The following MEF2A variants were observed in gnomAD, a reference collection of about 807,000 sequenced individuals.
MEF2A encodes myocyte enhancer factor 2A, also known as myocyte-specific enhancer factor 2A.
Under a neutral mutation model 55.8 loss-of-function variants are expected in MEF2A, and 28 were observed. The ratio of observed to expected loss-of-function variants is 0.50; its 90% CI spans 0.37 to 0.69. The LOEUF (loss-of-function observed/expected upper bound fraction) is 0.69, where lower values mean the gene tolerates loss of function less well. Ranked by LOEUF, MEF2A falls within the 30% of genes least tolerant of loss-of-function variation. The pLI is 0.00. For synonymous variants in MEF2A, 239 were observed against 227.1 expected (o/e 1.05, Z -0.47); for missense variants, 528 against 626.2 (o/e 0.84, Z 1.67).
intron 5 of MEF2A, 107 bp downstream of exon 5, chr15:99,671,561 C>T (rs2050871984): frequency 6.2e-7 from 1 of 1,612,642 alleles, no homozygotes; most frequent in African/African-American, 1.3e-5. Flanking sequence ...ACAGCCCAGA[C>T]CCTGATACTT....
intron 1 of MEF2A, among the ~76,000 whole-genome samples, chr15:99,583,528 G>C (rs1194410299): frequency 6.6e-6 from 1 of 152,022 alleles, no homozygotes; most frequent in African/African-American, 2.4e-5. Flanking sequence ...AGGTGTTTGG[G>C]TGGTTGAGGA....
At chr15:99,633,619 A>C (rs1025176205) in intron 3 of MEF2A, among the ~76,000 whole-genome samples, 3 of 152,200 alleles carry the variant, frequency 2.0e-5, no homozygotes, top group Non-Finnish European at 4.4e-5. Flanking sequence ...ATATGTAATG[A>C]GAATTTTTTA....
At chr15:99,670,461 T>C (rs2050644322) in intron 4 of MEF2A, among the ~76,000 whole-genome samples, 1 of 151,840 alleles carries the variant, frequency 6.6e-6, no homozygotes, top group Non-Finnish European at 1.5e-5. Context: ...ACAAAAAAAA[T>C]TAGCCGGGCG....
chr15:99,703,368 G>A lies in MEF2A; in HGVS notation c.865G>A (p.Glu289Lys), dbSNP rs1220030211. ...SKGMMPPLSEEEELELNTQRI... is the reference protein window; with the variant it reads ...SKGMMPPLSEKEELELNTQRI... ...TCTTATGTGCTGAGTACAGTCGGAGGAAGAGGAATTGGAGTTGGTGAGTGT... is the reference window on the plus strand; with the variant it reads ...TCTTATGTGCTGAGTACAGTCGGAGAAAGAGGAATTGGAGTTGGTGAGTGT... The change falls in exon 9 of 12, where the codon GAA (glutamate) becomes AAA (lysine). Residue 289 changes from glutamate (E) to lysine (K), a missense_variant. Physicochemically the swap from Glu to Lys is moderately conservative, Grantham distance 56. Transcript: ENST00000557942. 1 of 1,612,074 alleles carries A rather than the reference G, an allele frequency of 6.2e-7. No individual in the cohort carries two copies. Among genetic ancestry groups the A allele is most frequent in the Admixed American group, 1.7e-5 (1 of 59,758 alleles).
chr15:99,588,651 C>A (rs1030497517), intron 1 of MEF2A, among the ~76,000 whole-genome samples: 1 of 151,482 alleles, frequency 6.6e-6, no homozygotes, highest in Non-Finnish European at 1.5e-5. Context: ...TCTATGTTGC[C>A]CAGGCTGTTC....
intron 3 of MEF2A, among the ~76,000 whole-genome samples, chr15:99,637,308 G>A (rs960958603): frequency 6.6e-6 from 1 of 152,072 alleles, no homozygotes. Context: ...TGTAATCTAT[G>A]AACATGTTTG....
chr15:99,639,437 G>A (rs1358446065), intron 3 of MEF2A, among the ~76,000 whole-genome samples: 3 of 152,138 alleles, frequency 2.0e-5, no homozygotes, highest in African/African-American at 7.2e-5. Flanking sequence ...ATTCAATACA[G>A]CTAGTTTTAG....
intron 2 of MEF2A, among the ~76,000 whole-genome samples, chr15:99,604,311 C>T (rs1974316247): frequency 6.6e-6 from 1 of 152,134 alleles, no homozygotes; most frequent in Non-Finnish European, 1.5e-5. Context: ...TCTCTCTTGG[C>T]ACTGATACTG....
chr15:99,575,035 CTTT>C (rs1360577897), intron 1 of MEF2A, among the ~76,000 whole-genome samples: 3 of 92,530 alleles, frequency 3.2e-5, no homozygotes, highest in African/African-American at 1.3e-4. Flanking sequence ...TCCTCATCTC[CTTT>C]TTTTCTCTTT....
At chr15:99,576,663 C>T (rs539031959) in intron 1 of MEF2A, among the ~76,000 whole-genome samples, 9 of 144,934 alleles carry the variant, frequency 6.2e-5, no homozygotes, top group Middle Eastern at 3.6e-3. Flanking sequence ...TTTTTTGAGA[C>T]GGAATCTTAC....
rs1692124578 is a variant in MEF2A at position 99,712,872 on chromosome 15, C to G, written c.*101C>G. 1 of 1,176,348 alleles carries G rather than the reference C, an allele frequency of 8.5e-7. No homozygotes were observed. The allele number at this position is 1,176,348 out of a possible 1,614,324, so 72.9% of individuals were successfully genotyped here. A position where few individuals can be genotyped will look rare whatever the true frequency, so the allele number is the denominator to read the frequency against. On this transcript the variant is annotated 3_prime_UTR_variant, in exon 12 of 12. Coordinates refer to ENST00000557942, the MANE Select transcript of MEF2A (RefSeq NM_001319206.4). This position sits in a 1 kb window ranked among gnomAD's most constrained non-coding sequence, Gnocchi z 4.1. ...CATGAGTTAAATATATTTATATGTA[C>G]ATACATATATATATCCCTTTACATA...
intron 4 of MEF2A, among the ~76,000 whole-genome samples, chr15:99,668,501 A>G (rs1406868828): frequency 1.3e-5 from 2 of 152,250 alleles, no homozygotes; most frequent in African/African-American, 4.8e-5. Context: ...CACGTTATTT[A>G]CAAGGAGTAA....
chr15:99,712,919 G>GTGTA lies in MEF2A; in HGVS notation c.*152_*155dup. The GTGTA allele has an allele frequency of 1.1e-5, 10 of 935,290 alleles. No individual in the cohort carries two copies. The highest frequency in any genetic ancestry group is 1.8e-5 in the South Asian group (1 of 55,790). 57.9% of individuals were successfully genotyped at this position (935,290 alleles called of 1,614,324 possible). On this transcript the variant is annotated 3_prime_UTR_variant, in exon 12 of 12. Transcript: ENST00000557942. This position sits in a 1 kb window ranked among gnomAD's most constrained non-coding sequence, Gnocchi z 4.1. ...CATATATATGTATGTGGGTGTGAGT[G>GTGTA]TGTATGTGTGGGTGTGTGTTACATA... is the stretch of plus-strand genomic sequence containing the variant.
At chr15:99,642,030 C>T (rs912620294) in intron 3 of MEF2A, among the ~76,000 whole-genome samples, 2 of 152,054 alleles carry the variant, frequency 1.3e-5, no homozygotes, top group African/African-American at 4.8e-5. Context: ...TTTTTTGCCC[C>T]TAACAAGGGC....
intron 3 of MEF2A, among the ~76,000 whole-genome samples, chr15:99,637,146 A>T (rs1161119763): frequency 1.4e-5 from 2 of 148,100 alleles, no homozygotes; most frequent in Admixed American, 1.3e-4. Context: ...GAACCAGCTG[A>T]CTATTCTTGC....
At position 99,690,360 on chromosome 15, in the gene MEF2A, A is replaced by G; in HGVS notation, c.790A>G (p.Met264Val). The G allele has an allele frequency of 6.2e-7, 1 of 1,613,576 alleles. No homozygotes were observed. Among genetic ancestry groups the G allele is most frequent in the Non-Finnish European group, 8.5e-7 (1 of 1,179,746 alleles). Residue 264 changes from methionine (M) to valine (V), a missense_variant, in exon 8 of 12, where the codon ATG (methionine) becomes GTG (valine). Met to Val is a conservative substitution (Grantham distance 21). Transcript: ENST00000557942. ...PPPPGGGNLG[M>V]NSRKPDLRVV... is the part of the protein sequence containing the mutation. ...TCCACCAGGTGGTGGTAATCTTGGAATGAACAGTAGGAAACCAGATCTTCG... is the reference window on the plus strand; with the variant it reads ...TCCACCAGGTGGTGGTAATCTTGGAGTGAACAGTAGGAAACCAGATCTTCG...
chr15:99,673,755 T>C (rs1460993474), intron 5 of MEF2A, among the ~76,000 whole-genome samples: 3 of 152,188 alleles, frequency 2.0e-5, no homozygotes, highest in African/African-American at 7.2e-5. Flanking sequence ...CCAAAAACTT[T>C]ATTACTTTTA....
intron 9 of MEF2A, among the ~76,000 whole-genome samples, chr15:99,705,058 A>G (rs2057863229): frequency 6.6e-6 from 1 of 152,248 alleles, no homozygotes; most frequent in African/African-American, 2.4e-5. Flanking sequence ...TATAATCAGA[A>G]GCACAGTCCG....
At chr15:99,638,240 C>T (rs2044237618) in intron 3 of MEF2A, among the ~76,000 whole-genome samples, 1 of 151,924 alleles carries the variant, frequency 6.6e-6, no homozygotes, top group Admixed American at 6.6e-5. Flanking sequence ...GTTAAGAGGC[C>T]AGCTTTTGAT....
Sources: gnomAD v4.1 joint callset for allele counts (sites outside exome capture counted in the v4.1 genomes callset) on GRCh38, gnomAD v4.1.1 for gene constraint, Gnocchi (gnomAD v3.1) non-coding constraint, MANE v1.5 for transcripts, NCBI Gene and HGNC (gene_info 2026-07-23, HGNC 2026-07-21) for gene names.